Variants in AGMO observed in about 807,000 individuals in gnomAD.
AGMO encodes the protein glyceryl-ether monooxygenase.
A neutral mutation model predicts 60.2 loss-of-function variants in AGMO; 75 were observed. The ratio of observed to expected loss-of-function variants is 1.25; its 90% CI spans 1.03 to 1.51. The LOEUF (loss-of-function observed/expected upper bound fraction) is 1.51, where lower values mean the gene tolerates loss of function less well. Among genes scored for constraint, AGMO ranks in the 40% most tolerant of loss-of-function variants. The probability of loss-of-function intolerance (pLI) is 0.00; values close to 1 mark genes in which losing one functional copy is unlikely to be tolerated. For synonymous variants in AGMO, 261 were observed against 177.1 expected (o/e 1.47, Z -3.76); for missense variants, 763 against 525.5 (o/e 1.45, Z -4.42).
the AGMO span, among the ~76,000 whole-genome samples, chr7:15,174,631 T>TG: frequency 2.0e-5 from 3 of 151,996 alleles, no homozygotes; most frequent in Non-Finnish European, 4.4e-5. Flanking sequence ...TGAGAGGTCA[T>TG]TTAGACACAA....
intron 12 of AGMO, among the ~76,000 whole-genome samples, chr7:15,341,571 C>T (rs62450338): frequency 0.014 from 2,059 of 152,284 alleles, 30 homozygotes; most frequent in Non-Finnish European, 0.015. Context: ...GCCCTCCAAA[C>T]TGTTCCAAGC....
intron 12 of AGMO, among the ~76,000 whole-genome samples, chr7:15,271,383 C>T (rs1020426529): frequency 6.6e-6 from 1 of 152,078 alleles, no homozygotes; most frequent in African/African-American, 2.4e-5. Context: ...GACCTTTCAG[C>T]TTCTTGGTTA....
At chr7:15,263,634 G>A (rs1783345083) in intron 12 of AGMO, among the ~76,000 whole-genome samples, 2 of 152,072 alleles carry the variant, frequency 1.3e-5, no homozygotes, top group African/African-American at 4.8e-5. Context: ...GTTTATAGCA[G>A]CACAATTTGC....
At chr7:15,218,070 A>G (rs1298296430) in intron 12 of AGMO, among the ~76,000 whole-genome samples, 1 of 152,122 alleles carries the variant, frequency 6.6e-6, no homozygotes, top group African/African-American at 2.4e-5. Context: ...AAATTTATCA[A>G]TAAGAAAAAA....
At chr7:15,501,730 C>A (rs1246302116) in intron 3 of AGMO, among the ~76,000 whole-genome samples, 2 of 151,492 alleles carry the variant, frequency 1.3e-5, no homozygotes, top group African/African-American at 2.4e-5. Context: ...AAATTGAGTA[C>A]AATTGAACAA....
intron 12 of AGMO, among the ~76,000 whole-genome samples, chr7:15,222,998 AGT>A (rs1781969040): frequency 6.6e-6 from 1 of 151,952 alleles, no homozygotes; most frequent in African/African-American, 2.4e-5. Context: ...CAGATGCATG[AGT>A]GTGCATGTCT....
At chr7:15,317,353 A>AGATGT (rs1780956748) in intron 12 of AGMO, among the ~76,000 whole-genome samples, 1 of 152,192 alleles carries the variant, frequency 6.6e-6, no homozygotes, top group Non-Finnish European at 1.5e-5. Flanking sequence ...GACCATTGAC[A>AGATGT]GATGTCTAGA....
intron 12 of AGMO, chr7:15,306,143 CACTT>C (rs1780605438): frequency 6.4e-6 from 1 of 155,500 alleles, no homozygotes; most frequent in African/African-American, 2.4e-5. Context: ...TGCCATTACT[CACTT>C]TACATTTCCT....
chr7:15,407,384 G>C (rs1249386443), intron 5 of AGMO, among the ~76,000 whole-genome samples: 1 of 151,214 alleles, frequency 6.6e-6, no homozygotes, highest in Non-Finnish European at 1.5e-5. Flanking sequence ...CATAGAACAA[G>C]AAATGTATAG....
the AGMO span, among the ~76,000 whole-genome samples, chr7:15,131,129 C>T: frequency 2.6e-5 from 4 of 151,856 alleles, no homozygotes; most frequent in Admixed American, 2.0e-4. Context: ...CAGAAGGAGG[C>T]GTTCTTTTCA....
At chr7:15,398,621 C>A (rs1784473209) in intron 5 of AGMO, among the ~76,000 whole-genome samples, 2 of 152,126 alleles carry the variant, frequency 1.3e-5, no homozygotes, top group Admixed American at 1.3e-4. Context: ...TTTGGCAATT[C>A]GACGACGTCT....
downstream of AGMO, among the ~76,000 whole-genome samples, chr7:15,199,456 A>G (rs1781217848): frequency 6.6e-6 from 1 of 152,198 alleles, no homozygotes; most frequent in Non-Finnish European, 1.5e-5. Context: ...AAATTCACAT[A>G]TATTAAAGCA....
intron 12 of AGMO, among the ~76,000 whole-genome samples, chr7:15,259,394 G>T (rs1783201671): frequency 6.6e-6 from 1 of 151,930 alleles, no homozygotes; most frequent in African/African-American, 2.4e-5. Context: ...AAAACCTCCA[G>T]GAAGTCTGGG....
intron 12 of AGMO, among the ~76,000 whole-genome samples, chr7:15,316,144 G>C (rs1471871025): frequency 6.6e-6 from 1 of 152,142 alleles, no homozygotes; most frequent in African/African-American, 2.4e-5. Flanking sequence ...TGTGCCCATT[G>C]CATCTTGGTA....
chr7:15,297,815 C>A (rs1784447463), intron 12 of AGMO, among the ~76,000 whole-genome samples: 1 of 151,944 alleles, frequency 6.6e-6, no homozygotes, highest in Admixed American at 6.6e-5. Flanking sequence ...GGAAAGTAGG[C>A]AAACATGAGT....
At chr7:15,364,331 T>C (rs1782881505) in intron 12 of AGMO, among the ~76,000 whole-genome samples, 1 of 152,042 alleles carries the variant, frequency 6.6e-6, no homozygotes, top group African/African-American at 2.4e-5. Context: ...TATATTTATA[T>C]ACCGATATCT....
intron 2 of AGMO, among the ~76,000 whole-genome samples, chr7:15,558,384 CAAT>C (rs1431941201): frequency 1.3e-5 from 2 of 151,948 alleles, no homozygotes; most frequent in Non-Finnish European, 2.9e-5. Context: ...TATAGTTTAT[CAAT>C]AATCTGATTT....
intron 12 of AGMO, among the ~76,000 whole-genome samples, chr7:15,321,367 C>G (rs1260062759): frequency 6.6e-6 from 1 of 152,160 alleles, no homozygotes; most frequent in Admixed American, 6.6e-5. Context: ...ACTTCTGACA[C>G]TAGAGGTTTC....
chr7:15,313,975 G>A (rs1461088582), intron 12 of AGMO, among the ~76,000 whole-genome samples: 1 of 151,850 alleles, frequency 6.6e-6, no homozygotes, highest in African/African-American at 2.4e-5. Flanking sequence ...TGAGGCGAAT[G>A]ACATAGGTGA....
Sources: allele counts gnomAD v4.1 joint callset (sites outside exome capture counted in the v4.1 genomes callset), GRCh38; gene constraint gnomAD v4.1.1; transcripts MANE v1.5; gene names NCBI Gene and HGNC (gene_info 2026-07-23, HGNC 2026-07-21).